SOX5: variants seen among roughly 807,000 people sequenced by gnomAD.
SOX5 encodes the protein SRY-box transcription factor 5, also known as transcription factor SOX-5.
Under a neutral mutation model 92.0 loss-of-function variants are expected in SOX5, and 9 were observed. That is an observed-to-expected ratio of 0.10 (90% confidence interval 0.06 to 0.17). SOX5 has a LOEUF of 0.17. Among genes scored for constraint, SOX5 ranks in the 10% least tolerant of loss-of-function variants. The pLI, the probability that SOX5 is intolerant of heterozygous loss-of-function variation, is 1.00. For synonymous variants in SOX5, 344 were observed against 336.3 expected, an observed-to-expected ratio of 1.02 and a Z score of -0.25; for missense variants, 642 against 944.5, an observed-to-expected ratio of 0.68 and a Z score of 4.20.
At chr12:23,818,439 G>C (rs928455483) in intron 3 of SOX5, among the ~76,000 whole-genome samples, 1 of 152,136 alleles carries the variant, frequency 6.6e-6, no homozygotes, top group Non-Finnish European at 1.5e-5. Context: ...CACATATATA[G>C]GGTATTTACT....
intron 2 of SOX5, among the ~76,000 whole-genome samples, chr12:24,347,612 G>A (rs1953471849): frequency 6.6e-6 from 1 of 151,904 alleles, no homozygotes; most frequent in South Asian, 2.1e-4. Flanking sequence ...ATGTGTAAGG[G>A]GATTTAACGA....
chr12:23,726,735 G>T (rs2140732749), intron 6 of SOX5, among the ~76,000 whole-genome samples: 1 of 152,224 alleles, frequency 6.6e-6, no homozygotes, highest in South Asian at 2.1e-4. Context: ...AAAAGTCATG[G>T]GAAAAATGAC....
chr12:24,557,129 G>C lies in SOX5; in HGVS notation c.-251+5200C>G, dbSNP rs1024101215. On this transcript the variant is annotated intron_variant, in intron 1 of 4. Coordinates refer to the SOX5 transcript ENST00000446891. ...AAGAAGGCCAGGCACGGTGGCTCAC[G>C]CTTGTAATCCCAGCACTTTGGGAGG... 3.9e-5 allele frequency among the ~76,000 whole-genome samples: 6 copies of C among 152,188 alleles called. No homozygotes were observed. In the East Asian group the frequency reaches 5.8e-4, roughly 15 times the overall value.
At chr12:24,430,712 G>A (rs971460929) in intron 1 of SOX5, among the ~76,000 whole-genome samples, 2 of 151,948 alleles carry the variant, frequency 1.3e-5, no homozygotes, top group African/African-American at 4.8e-5. Flanking sequence ...GATTATAGAG[G>A]CCAATATTGC....
At chr12:23,586,651 T>A (rs1385911845) in intron 9 of SOX5, among the ~76,000 whole-genome samples, 1 of 151,788 alleles carries the variant, frequency 6.6e-6, no homozygotes, top group Non-Finnish European at 1.5e-5. Flanking sequence ...CACTTTTTTT[T>A]TTTTCTTGAA....
chr12:23,819,681 T>C (rs2096068407), intron 3 of SOX5, among the ~76,000 whole-genome samples: 3 of 152,200 alleles, frequency 2.0e-5, no homozygotes, highest in African/African-American at 7.2e-5. Context: ...ATGCACTGTT[T>C]GGTTTTCTGT....
At chr12:23,701,880 C>T (rs1424290492) in intron 6 of SOX5, among the ~76,000 whole-genome samples, 3 of 151,982 alleles carry the variant, frequency 2.0e-5, no homozygotes, top group Non-Finnish European at 4.4e-5. Flanking sequence ...TATCACATAC[C>T]CTTTCTTTAC....
chr12:24,493,539 C>T (rs1947303678), intron 1 of SOX5, among the ~76,000 whole-genome samples: 2 of 152,136 alleles, frequency 1.3e-5, no homozygotes, highest in Non-Finnish European at 2.9e-5. Context: ...TGTACTGCAA[C>T]TTTTCTGTAA....
At chr12:24,469,387 T>C (rs943672900) in intron 1 of SOX5, among the ~76,000 whole-genome samples, 1 of 152,168 alleles carries the variant, frequency 6.6e-6, no homozygotes, top group Admixed American at 6.5e-5. Context: ...ACTTTCCTTC[T>C]TTTCCTCTGC....
intron 1 of SOX5, among the ~76,000 whole-genome samples, chr12:23,902,136 C>A (rs774723654): frequency 1.3e-5 from 2 of 152,118 alleles, no homozygotes; most frequent in South Asian, 2.1e-4. Flanking sequence ...GAGCTATCAC[C>A]TACTTACTGC....
At chr12:23,942,793 G>A (rs566750382) in intron 1 of SOX5, among the ~76,000 whole-genome samples, 83 of 151,828 alleles carry the variant, frequency 5.5e-4, no homozygotes, top group Admixed American at 1.2e-3. Context: ...GAGTGCATAG[G>A]ACATAATGAA....
At chr12:24,426,222 C>CA (rs927642577) in intron 1 of SOX5, among the ~76,000 whole-genome samples, 7 of 136,398 alleles carry the variant, frequency 5.1e-5, no homozygotes, top group African/African-American at 1.1e-4. Flanking sequence ...AACAAACAAA[C>CA]AAAAAAAACA....
At chr12:24,385,608 G>A (rs566330584) in intron 1 of SOX5, among the ~76,000 whole-genome samples, 18 of 152,228 alleles carry the variant, frequency 1.2e-4, no homozygotes, top group African/African-American at 4.3e-4. Context: ...TGGGTTCTGA[G>A]GGTATGTTGG....
intron 3 of SOX5, among the ~76,000 whole-genome samples, chr12:24,225,879 G>A (rs1014686674): frequency 5.3e-5 from 8 of 152,124 alleles, no homozygotes; most frequent in Non-Finnish European, 1.0e-4. Context: ...CTCGTCTCTC[G>A]CCAAAAGGGA....
intron 2 of SOX5, among the ~76,000 whole-genome samples, chr12:24,363,473 A>C (rs1272120707): frequency 1.3e-5 from 2 of 152,192 alleles, no homozygotes; most frequent in Admixed American, 1.3e-4. Context: ...GCAGGTTGAA[A>C]TAGTCAGCAT....
chr12:24,522,893 A>G (rs1377703673), intron 1 of SOX5, among the ~76,000 whole-genome samples: 3 of 152,158 alleles, frequency 2.0e-5, no homozygotes, highest in African/African-American at 7.2e-5. Flanking sequence ...CATTTAACAT[A>G]GTACTAGAAG....
At chr12:24,232,748 C>T (rs1271136178) in intron 3 of SOX5, among the ~76,000 whole-genome samples, 2 of 152,198 alleles carry the variant, frequency 1.3e-5, no homozygotes, top group African/African-American at 4.8e-5. Flanking sequence ...CTGCATACCA[C>T]TCACTGTGTT....
At position 23,603,445 on chromosome 12, in the gene SOX5, A is replaced by AATATAT. The variant is rs72370535; in HGVS notation, c.1164+936_1164+941dup. The stretch of plus-strand genomic sequence containing the variant: ...TTCAGCAAAATAAATATATATATAA[A>AATATAT]ATATATATATATATATATATATTTT... On this transcript the variant is annotated intron_variant, in intron 9 of 14. Coordinates refer to ENST00000451604, the MANE Select transcript of SOX5 (RefSeq NM_006940.6). 4.8e-4 allele frequency among the ~76,000 whole-genome samples: 60 copies of AATATAT among 124,856 alleles called. 1 individual carries two copies. The South Asian group carries it at 6.0e-3, about 13-fold the overall frequency. The allele number at this position is 124,856 out of a possible 152,430, so 81.9% of individuals were successfully genotyped here.
At chr12:23,994,384 G>T (rs1337195985) in intron 4 of SOX5, among the ~76,000 whole-genome samples, 1 of 152,038 alleles carries the variant, frequency 6.6e-6, no homozygotes, top group African/African-American at 2.4e-5. Context: ...TAGCCCTTTT[G>T]TTATATAAAT....
Sources: allele counts gnomAD v4.1 joint callset (sites outside exome capture counted in the v4.1 genomes callset), GRCh38; gene constraint gnomAD v4.1.1; transcripts MANE v1.5; gene names NCBI Gene and HGNC (gene_info 2026-07-23, HGNC 2026-07-21).